Variants in ADK observed in about 807,000 individuals in gnomAD.
ADK encodes N6,N6-dimethyladenosine kinase.
In ADK, 24 loss-of-function variants were observed where a neutral mutation model predicts 44.7. The observed-to-expected ratio is 0.54, with a 90% CI of 0.39 to 0.76. The LOEUF is 0.76. ADK is among the 30% of genes least tolerant of loss of function. The pLI is 0.00. For synonymous variants in ADK, 128 were observed against 142.6 expected (o/e 0.90, Z 0.73); for missense variants, 321 against 425.1 (o/e 0.76, Z 2.15).
intron 6 of ADK, among the ~76,000 whole-genome samples, chr10:74,481,696 T>C (rs568308459): frequency 3.3e-5 from 5 of 151,958 alleles, no homozygotes; most frequent in African/African-American, 1.2e-4. Flanking sequence ...ACTTTGCTAC[T>C]TTTTTTTTCT....
chr10:74,284,164 T>C lies in ADK; in HGVS notation c.195-30503T>C, dbSNP rs111320126. On this transcript the variant is annotated intron_variant, in intron 3 of 10. Transcript: ENST00000539909. The stretch of plus-strand genomic sequence containing the variant: ...TAGTAGAGACAGGGTTTCTCCATGT[T>C]GGCCAGGCTGGTCTCGAACTCCCGA... 5.3e-3 allele frequency among the ~76,000 whole-genome samples: 789 copies of C among 150,146 alleles called. 12 individuals carry two copies. The highest frequency in any genetic ancestry group is 0.018 in the African/African-American group (716 of 40,610).
chr10:74,227,964 C>T (rs750133545), intron 3 of ADK, among the ~76,000 whole-genome samples: 19 of 152,126 alleles, frequency 1.2e-4, no homozygotes, highest in Non-Finnish European at 2.4e-4. Flanking sequence ...GAACCATGAT[C>T]ATTCCACTGA....
At chr10:74,420,341 A>G (rs909588991) in intron 6 of ADK, among the ~76,000 whole-genome samples, 7 of 152,284 alleles carry the variant, frequency 4.6e-5, no homozygotes, top group Admixed American at 1.3e-4. Context: ...TTGAAGAGCT[A>G]TCCTTGAAAG....
rs553019012 is a variant in ADK, at chr10:74,566,367, C to T, written c.727-22915C>T. On this transcript the variant is annotated intron_variant, in intron 7 of 10. Transcript: ENST00000539909. The stretch of plus-strand genomic sequence containing the variant: ...GACCACAGACATGCACCACCACACC[C>T]GGCTATGTTTTTGATGTCTTGTAGA... Among the ~76,000 whole-genome samples the T allele has an allele frequency of 3.6e-4, 54 of 152,006 alleles. No individual in the cohort carries two copies. The South Asian group carries it at 4.8e-3, about 14-fold the overall frequency.
intron 7 of ADK, among the ~76,000 whole-genome samples, chr10:74,562,527 A>C (rs947876131): frequency 6.6e-6 from 1 of 152,196 alleles, no homozygotes; most frequent in Non-Finnish European, 1.5e-5. Context: ...CCTTGTCCTA[A>C]CTTTTAACCT....
At chr10:74,412,320 T>A (rs1191544642) in intron 6 of ADK, among the ~76,000 whole-genome samples, 1 of 152,150 alleles carries the variant, frequency 6.6e-6, no homozygotes, top group Admixed American at 6.5e-5. Flanking sequence ...TATTTTATTT[T>A]TGTAGAGACG....
intron 2 of ADK, among the ~76,000 whole-genome samples, chr10:74,217,383 G>C (rs1035420135): frequency 5.9e-5 from 9 of 152,232 alleles, no homozygotes; most frequent in African/African-American, 1.9e-4. Flanking sequence ...CAACTGGGTG[G>C]AGCCCACCAC....
intron 6 of ADK, among the ~76,000 whole-genome samples, chr10:74,487,669 G>A (rs1333388422): frequency 6.6e-6 from 1 of 151,792 alleles, no homozygotes; most frequent in Admixed American, 6.6e-5. Context: ...GGATAAATAA[G>A]TCACAAAGCT....
chr10:74,633,986 C>A (rs1308345134), intron 9 of ADK, among the ~76,000 whole-genome samples: 6 of 152,198 alleles, frequency 3.9e-5, no homozygotes. Flanking sequence ...CAGACCTTAT[C>A]CAAATCTCTG....
At chr10:74,419,751 A>C (rs1221098419) in intron 6 of ADK, among the ~76,000 whole-genome samples, 1 of 152,212 alleles carries the variant, frequency 6.6e-6, no homozygotes, top group Non-Finnish European at 1.5e-5. Context: ...TTAAAATGAT[A>C]AAACATCGTT....
intron 1 of ADK, among the ~76,000 whole-genome samples, chr10:74,177,126 A>G (rs1162620048): frequency 1.3e-5 from 2 of 152,068 alleles, no homozygotes; most frequent in African/African-American, 4.8e-5. Flanking sequence ...ACCCTCGCCC[A>G]AATTCCAGGG....
intron 4 of ADK, among the ~76,000 whole-genome samples, chr10:74,382,452 G>A (rs1383132567): frequency 2.6e-5 from 4 of 152,028 alleles, no homozygotes. Context: ...TTCCTTGGTG[G>A]TTTTTCTTTC....
chr10:74,253,415 A>G (rs1845720026), intron 3 of ADK, among the ~76,000 whole-genome samples: 1 of 152,176 alleles, frequency 6.6e-6, no homozygotes, highest in African/African-American at 2.4e-5. Flanking sequence ...CAGTGTTGAC[A>G]TGGCACACTG....
intron 9 of ADK, among the ~76,000 whole-genome samples, chr10:74,622,840 T>C (rs988741429): frequency 5.9e-5 from 9 of 152,158 alleles, no homozygotes; most frequent in African/African-American, 2.2e-4. Context: ...AAACCCTGTC[T>C]CTACTAAAAA....
At chr10:74,434,108 T>TAGTAAA (rs1845100896) in intron 6 of ADK, among the ~76,000 whole-genome samples, 1 of 152,238 alleles carries the variant, frequency 6.6e-6, no homozygotes, top group African/African-American at 2.4e-5. Context: ...AGAAATGATT[T>TAGTAAA]TCTATATATA....
chr10:74,574,874 A>G (rs1374199444), intron 7 of ADK, among the ~76,000 whole-genome samples: 1 of 152,246 alleles, frequency 6.6e-6, no homozygotes, highest in Admixed American at 6.5e-5. Flanking sequence ...TACTACTAGA[A>G]TAATCAAATT....
At chr10:74,429,604 AG>A (rs1477116158) in intron 6 of ADK, among the ~76,000 whole-genome samples, 1 of 152,190 alleles carries the variant, frequency 6.6e-6, no homozygotes, top group South Asian at 2.1e-4. Flanking sequence ...ATAGACTTTG[AG>A]CTAAGAAAGT....
At chr10:74,544,662 G>A (rs971277095) in intron 7 of ADK, among the ~76,000 whole-genome samples, 2 of 152,036 alleles carry the variant, frequency 1.3e-5, no homozygotes, top group African/African-American at 4.8e-5. Context: ...AGATCACGAG[G>A]TCAGGAGATC....
chr10:74,528,661 ACAACT>A (rs1329662816), intron 7 of ADK, among the ~76,000 whole-genome samples: 2 of 152,204 alleles, frequency 1.3e-5, no homozygotes, highest in Admixed American at 1.3e-4. Flanking sequence ...TAACACAGTA[ACAACT>A]CAACAATAAG....
Sources: allele counts gnomAD v4.1 joint callset (sites outside exome capture counted in the v4.1 genomes callset), GRCh38; gene constraint gnomAD v4.1.1; transcripts MANE v1.5; gene names NCBI Gene and HGNC (gene_info 2026-07-23, HGNC 2026-07-21).